Variants in PDCL2 observed in about 807,000 individuals in gnomAD.
PDCL2 encodes the protein phosducin like 2, also known as phosducin-like protein 2.
A neutral mutation model predicts 30.3 loss-of-function variants in PDCL2; 23 were observed. The ratio of observed to expected loss-of-function variants is 0.76; its 90% CI spans 0.55 to 1.08. PDCL2 has a LOEUF of 1.08. PDCL2 is among the 50% of genes least tolerant of loss of function. The pLI is 0.00. For synonymous variants in PDCL2, 68 were observed against 86.2 expected, an observed-to-expected ratio of 0.79 and a Z score of 1.17; for missense variants, 243 against 282.3, an observed-to-expected ratio of 0.86 and a Z score of 1.00.
intron 4 of PDCL2, among the ~76,000 whole-genome samples, chr4:55,566,902 T>C: frequency 6.6e-6 from 1 of 152,206 alleles, no homozygotes; most frequent in Admixed American, 6.5e-5. Flanking sequence ...AACCTCTTTA[T>C]GAATTTTTAA....
At chr4:55,591,775 C>A (rs142840636) in intron 1 of PDCL2, among the ~76,000 whole-genome samples, 3,196 of 152,308 alleles carry the variant, frequency 0.021, 50 homozygotes, top group Non-Finnish European at 0.036. Context: ...AATTGAATTA[C>A]ACTTGGGCTA....
At chr4:55,592,000 G>A (rs966373440) in intron 1 of PDCL2, 104 bp downstream of exon 1, 1 of 1,470,092 alleles carries the variant, frequency 6.8e-7, no homozygotes, top group Non-Finnish European at 9.3e-7. Flanking sequence ...AAATGTTAGA[G>A]CCTACCTCCT....
intron 4 of PDCL2, among the ~76,000 whole-genome samples, chr4:55,567,921 A>T (rs1478342523): frequency 6.6e-6 from 1 of 152,176 alleles, no homozygotes; most frequent in Non-Finnish European, 1.5e-5. Context: ...AGGTCAACAC[A>T]TTCTTTTAAG....
intron 3 of PDCL2, among the ~76,000 whole-genome samples, chr4:55,578,952 T>G (rs1280934110): frequency 2.0e-5 from 3 of 152,218 alleles, no homozygotes; most frequent in African/African-American, 7.2e-5. Flanking sequence ...GATTTTTCTA[T>G]TTCTCTAATT....
chr4:55,568,040 T>C (rs1001991558), intron 4 of PDCL2, among the ~76,000 whole-genome samples: 1 of 152,208 alleles, frequency 6.6e-6, no homozygotes, highest in South Asian at 2.1e-4. Context: ...AAAATTTGAC[T>C]CAGGAACTGC....
At chr4:55,563,730 G>A (rs910336760) in intron 4 of PDCL2, among the ~76,000 whole-genome samples, 2 of 152,190 alleles carry the variant, frequency 1.3e-5, no homozygotes, top group Non-Finnish European at 2.9e-5. Context: ...AAAGAATGGA[G>A]GCTCTGGCAT....
chr4:55,570,110 G>A (rs1437295939), intron 3 of PDCL2, among the ~76,000 whole-genome samples: 2 of 152,076 alleles, frequency 1.3e-5, no homozygotes, highest in Non-Finnish European at 2.9e-5. Flanking sequence ...TTTAAGACTA[G>A]GTTTAAATCA....
intron 2 of PDCL2, among the ~76,000 whole-genome samples, chr4:55,581,449 A>C (rs979135228): frequency 6.6e-6 from 1 of 152,210 alleles, no homozygotes; most frequent in Non-Finnish European, 1.5e-5. Flanking sequence ...TATGAAAATC[A>C]ATTAGATTTC....
chr4:55,583,336 C>A (rs1732776277), intron 1 of PDCL2, among the ~76,000 whole-genome samples: 1 of 152,174 alleles, frequency 6.6e-6, no homozygotes, highest in Non-Finnish European at 1.5e-5. Flanking sequence ...AAGTGTATTG[C>A]TTGTAAATAG....
chr4:55,560,989 G>C (rs1334417454), intron 5 of PDCL2, among the ~76,000 whole-genome samples: 1 of 152,044 alleles, frequency 6.6e-6, no homozygotes, highest in Non-Finnish European at 1.5e-5. Context: ...AAGCCACCCA[G>C]TTTACAGTAT....
At chr4:55,574,673 C>A (rs952456623) in intron 3 of PDCL2, among the ~76,000 whole-genome samples, 1 of 152,220 alleles carries the variant, frequency 6.6e-6, no homozygotes, top group African/African-American at 2.4e-5. Flanking sequence ...TACTCCCTAT[C>A]CCCTATCCTA....
chr4:55,558,489 C>G (rs192514884), intron 5 of PDCL2, among the ~76,000 whole-genome samples: 4 of 152,268 alleles, frequency 2.6e-5, no homozygotes, highest in African/African-American at 9.6e-5. Flanking sequence ...TGAAGCCTCC[C>G]CAGCCATGCT....
intron 4 of PDCL2, among the ~76,000 whole-genome samples, chr4:55,568,140 G>C (rs1285546311): frequency 2.0e-5 from 3 of 152,154 alleles, no homozygotes; most frequent in African/African-American, 7.2e-5. Flanking sequence ...AGGACCTAAA[G>C]ATAAAAACAT....
At chr4:55,561,800 G>A (rs73819644) in intron 5 of PDCL2, among the ~76,000 whole-genome samples, 3,152 of 152,220 alleles carry the variant, frequency 0.021, 101 homozygotes, top group African/African-American at 0.071. Flanking sequence ...CATGGTCCAT[G>A]CACCTTTTAG....
intron 3 of PDCL2, among the ~76,000 whole-genome samples, chr4:55,578,492 T>C (rs1732626296): frequency 6.6e-6 from 1 of 152,150 alleles, no homozygotes; most frequent in African/African-American, 2.4e-5. Flanking sequence ...ACTAAAACAG[T>C]CACTTCAGAC....
chr4:55,581,115 T>C (rs1171805379), intron 2 of PDCL2, among the ~76,000 whole-genome samples: 1 of 151,984 alleles, frequency 6.6e-6, no homozygotes, highest in East Asian at 1.9e-4. Context: ...GCCAACATGG[T>C]GAAACCCTAT....
chr4:55,566,574 C>T (rs1259076631), intron 4 of PDCL2, among the ~76,000 whole-genome samples: 1 of 147,612 alleles, frequency 6.8e-6, no homozygotes, highest in East Asian at 2.1e-4. Flanking sequence ...AGGCATGCGC[C>T]ACCAAGCCTG....
chr4:55,582,796 C>T (rs1464628658), intron 1 of PDCL2, among the ~76,000 whole-genome samples: 1 of 149,016 alleles, frequency 6.7e-6, no homozygotes, highest in Admixed American at 6.7e-5. Flanking sequence ...GTGATGTTCC[C>T]CTTCCCGTGT....
intron 3 of PDCL2, among the ~76,000 whole-genome samples, chr4:55,570,314 A>T (rs1378659367): frequency 6.6e-6 from 1 of 152,220 alleles, no homozygotes; most frequent in Non-Finnish European, 1.5e-5. Flanking sequence ...TATTATCCCC[A>T]TTTAAATGTT....
Sources: gnomAD v4.1 joint callset for allele counts (sites outside exome capture counted in the v4.1 genomes callset) on GRCh38, gnomAD v4.1.1 for gene constraint, MANE v1.5 for transcripts, NCBI Gene and HGNC (gene_info 2026-07-23, HGNC 2026-07-21) for gene names.